The following PRNP variants were observed in gnomAD, a reference collection of about 807,000 sequenced individuals.
PRNP encodes the protein prion protein (Kanno blood group), also known as major prion protein.
PRNP carries 15 observed loss-of-function variants against 21.3 expected under a neutral mutation model. That is an observed-to-expected ratio of 0.71 (90% CI 0.47 to 1.09). The LOEUF is 1.09. PRNP is among the 50% of genes least tolerant of loss of function. PRNP has a pLI of 0.00. For synonymous variants in PRNP, 121 were observed against 123.1 expected, an observed-to-expected ratio of 0.98 and a Z score of 0.11; for missense variants, 285 against 340.9, an observed-to-expected ratio of 0.84 and a Z score of 1.29.
rs1226956371 is a variant in PRNP, at chr20:4,690,823, A to C, written c.-11+4311A>C. Among the ~76,000 whole-genome samples the C allele has an allele frequency of 2.6e-5, 4 of 152,338 alleles. No homozygotes were observed. In the East Asian group the frequency reaches 5.8e-4, roughly 22 times the overall value. On this transcript the variant is annotated intron_variant, in intron 1 of 1. Coordinates refer to ENST00000379440, the MANE Select transcript of PRNP (RefSeq NM_000311.5). The stretch of plus-strand genomic sequence containing the variant: ...TGGTACTGCAAGTCCTAGCCAGGAC[A>C]GTTAGACAAGAGAAAGAAATAAAAA...
In PRNP at chr20:4,699,613, A is replaced by G. The variant is rs772735889; in HGVS notation, c.393A>G (p.Gly131=). 2.6e-5 allele frequency: 42 copies of G among 1,613,956 alleles called. No individual in the cohort carries two copies. Among genetic ancestry groups the G allele is most frequent in the Admixed American group, 2.5e-4 (15 of 60,000 alleles). Residue 131 remains glycine, a synonymous_variant, in exon 2 of 2, where the codon GGA becomes GGG. Coordinates refer to ENST00000379440, the MANE Select transcript of PRNP (RefSeq NM_000311.5). This position sits in a 1 kb window ranked among gnomAD's most constrained non-coding sequence, Gnocchi z 5.8. ...VVGGLGGYML[G]SAMSRPIIHF... ...GGGGCCTTGGCGGCTACATGCTGGG[A>G]AGTGCCATGAGCAGGCCCATCATAC...
Position 4,686,949 on chromosome 20 carries a change from G to A in PRNP, c.-11+437G>A, listed in dbSNP as rs1196532730. On this transcript the variant is annotated intron_variant, in intron 1 of 1. Transcript: ENST00000379440. The surrounding 1 kb of genome is among the most constrained non-coding windows in gnomAD (Gnocchi z 6.7). ...GGGAGGGGCGCCTGGGGGCCGCGGG[G>A]CTCGCGCTCCCCGCCCGTTGGCCGC... Among the ~76,000 whole-genome samples, 1 of 151,662 alleles carries A rather than the reference G, an allele frequency of 6.6e-6. No individual in the cohort carries two copies. The highest frequency in any genetic ancestry group is 2.4e-5 in the African/African-American group (1 of 41,358).
intron 1 of PRNP, among the ~76,000 whole-genome samples, chr20:4,696,886 GTTC>G (rs1192946920): frequency 6.6e-6 from 1 of 152,090 alleles, no homozygotes; most frequent in African/African-American, 2.4e-5. Flanking sequence ...TCTGTGCCTG[GTTC>G]TTCTCCTCTG....
chr20:4,690,744 C>T (rs1466630850), intron 1 of PRNP, among the ~76,000 whole-genome samples: 2 of 152,168 alleles, frequency 1.3e-5, no homozygotes, highest in African/African-American at 4.8e-5. Flanking sequence ...ATCTTTTCCT[C>T]TAAGATCTGA....
In PRNP at chr20:4,700,297, T is replaced by C; in HGVS notation, c.*315T>C. On this transcript the variant is annotated 3_prime_UTR_variant, in exon 2 of 2. Coordinates refer to ENST00000379440, the MANE Select transcript of PRNP (RefSeq NM_000311.5). The surrounding 1 kb of genome is among the most constrained non-coding windows in gnomAD (Gnocchi z 4.1). ...TGCAACAGGTTGAGGCTAAAACAAA[T>C]CTCAGAACAGTCTGAAATACCTTTG... 1 of 645,264 alleles carries C rather than the reference T, an allele frequency of 1.5e-6. No individual in the cohort carries two copies. Among genetic ancestry groups the C allele is most frequent in the African/African-American group, 1.8e-5 (1 of 54,798 alleles). The allele number at this position is 645,264 out of a possible 1,614,324, so 40.0% of individuals were successfully genotyped here.
At chr20:4,696,675 T>G (rs980199021) in intron 1 of PRNP, among the ~76,000 whole-genome samples, 2 of 152,192 alleles carry the variant, frequency 1.3e-5, no homozygotes, top group Non-Finnish European at 2.9e-5. Context: ...TATTTCTGAG[T>G]GTATTCTTAG....
chr20:4,699,952 C>G lies in PRNP; in HGVS notation c.732C>G (p.Ile244Met), dbSNP rs764251824. ...LFSSPPVILL[I>M]SFLIFLIVG ...CCTCTCCACCTGTGATCCTCCTGATCTCTTTCCTCATCTTCCTGATAGTGG... is the reference window on the plus strand; with the variant it reads ...CCTCTCCACCTGTGATCCTCCTGATGTCTTTCCTCATCTTCCTGATAGTGG... The change falls in exon 2 of 2, where the codon ATC becomes ATG. Residue 244 changes from isoleucine (I) to methionine (M), a missense_variant. Transcript: ENST00000379440. This position sits in a 1 kb window ranked among gnomAD's most constrained non-coding sequence, Gnocchi z 5.8. The G allele has an allele frequency of 6.2e-7, 1 of 1,613,390 alleles. No homozygotes were observed. Among genetic ancestry groups the G allele is most frequent in the South Asian group, 1.1e-5 (1 of 90,884 alleles).
chr20:4,700,935 T>C lies in PRNP; in HGVS notation c.*953T>C, dbSNP rs552891646. On this transcript the variant is annotated 3_prime_UTR_variant, in exon 2 of 2. Coordinates refer to ENST00000379440, the MANE Select transcript of PRNP (RefSeq NM_000311.5). This position sits in a 1 kb window ranked among gnomAD's most constrained non-coding sequence, Gnocchi z 4.1. Reference sequence around the variant, plus strand: ...AGCACCATCATCATAGAGGATGATGTAATTAAAAAATGGTCAGTGTGCAAA... The same window carrying C: ...AGCACCATCATCATAGAGGATGATGCAATTAAAAAATGGTCAGTGTGCAAA... 3.0e-5 allele frequency: 5 copies of C among 167,028 alleles called. No homozygotes were observed. In the East Asian group the frequency reaches 9.6e-4, roughly 32 times the overall value. 10.3% of individuals were successfully genotyped at this position (167,028 alleles called of 1,614,324 possible).
chr20:4,692,526 A>G (rs1921898137), intron 1 of PRNP, among the ~76,000 whole-genome samples: 3 of 152,088 alleles, frequency 2.0e-5, no homozygotes, highest in African/African-American at 7.3e-5. Context: ...TCTTAAAATT[A>G]TGATATCTTG....
rs776029219 is a variant in PRNP at position 4,699,483 on chromosome 20, G to C, written c.263G>C (p.Gly88Ala). 1.9e-6 allele frequency: 3 copies of C among 1,609,928 alleles called. No individual in the cohort carries two copies. The Admixed American group carries it at 5.0e-5, about 27-fold the overall frequency. ...GGGWGQPHGG[G>A]WGQGGGTHSQ... ...GGCTGGGGACAGCCTCATGGTGGTG[G>C]CTGGGGTCAAGGAGGTGGCACCCAC... is the stretch of plus-strand genomic sequence containing the variant. Residue 88 changes from glycine to alanine, a missense_variant, in exon 2 of 2, where the codon GGC becomes GCC. Gly to Ala is a moderately conservative substitution (Grantham distance 60, BLOSUM62 0). Coordinates refer to ENST00000379440, the MANE Select transcript of PRNP (RefSeq NM_000311.5). The surrounding 1 kb of genome is among the most constrained non-coding windows in gnomAD (Gnocchi z 5.8).
rs1922215327 is a variant in PRNP, at chr20:4,697,043, C to G, written c.-10-2168C>G. On this transcript the variant is annotated intron_variant, in intron 1 of 1. Transcript: ENST00000379440. The surrounding 1 kb of genome is among the most constrained non-coding windows in gnomAD (Gnocchi z 4.6). ...CAGTCTCCTCTTCCTCCCATCTTAC[C>G]CATTTCAGGTAATATCTCCAGCCAG... Among the ~76,000 whole-genome samples the G allele has an allele frequency of 6.6e-6, 1 of 152,214 alleles. No individual in the cohort carries two copies. The highest frequency in any genetic ancestry group is 1.5e-5 in the Non-Finnish European group (1 of 68,052).
rs939443330 is a variant in PRNP, at chr20:4,700,502, C to G, written c.*520C>G. On this transcript the variant is annotated 3_prime_UTR_variant, in exon 2 of 2. Transcript: ENST00000379440. This position sits in a 1 kb window ranked among gnomAD's most constrained non-coding sequence, Gnocchi z 4.1. ...AAAAAAATCCTAGAGATTCTTAGCT[C>G]TTGGGATGCAGGCTCAGCCCGCTGG... The G allele has an allele frequency of 1.9e-5, 6 of 317,578 alleles. No individual in the cohort carries two copies. Among genetic ancestry groups the G allele is most frequent in the African/African-American group, 1.3e-4 (6 of 45,592 alleles). 19.7% of individuals were successfully genotyped at this position (317,578 alleles called of 1,614,324 possible).
chr20:4,695,590 A>G (rs778665082), intron 1 of PRNP, among the ~76,000 whole-genome samples: 16 of 152,164 alleles, frequency 1.1e-4, no homozygotes, highest in Non-Finnish European at 2.2e-4. Flanking sequence ...TGTCTTTGTA[A>G]TAGGATGATT....
At chr20:4,688,269 T>G (rs539710041) in intron 1 of PRNP, among the ~76,000 whole-genome samples, 6 of 152,314 alleles carry the variant, frequency 3.9e-5, no homozygotes, top group African/African-American at 1.4e-4. Flanking sequence ...AACTTGGCAT[T>G]TTCAAGTGTC....
chr20:4,696,396 G>A (rs1922170231), intron 1 of PRNP, among the ~76,000 whole-genome samples: 1 of 152,082 alleles, frequency 6.6e-6, no homozygotes, highest in Non-Finnish European at 1.5e-5. Flanking sequence ...TTGTTACTTT[G>A]AATATCTGTA....
Position 4,699,886 on chromosome 20 carries a change from T to G in PRNP, c.666T>G (p.Ser222=). 1 of 1,613,874 alleles carries G rather than the reference T, an allele frequency of 6.2e-7. No homozygotes were observed. The highest frequency in any genetic ancestry group is 1.7e-5 in the Admixed American group (1 of 59,986). ...QMCITQYERE[S]QAYYQRGSSM... ...GTATCACCCAGTACGAGAGGGAATC[T>G]CAGGCCTATTACCAGAGAGGATCGA... Residue 222 remains serine (S), a synonymous_variant, in exon 2 of 2, where the codon TCT becomes TCG. Coordinates refer to ENST00000379440, the MANE Select transcript of PRNP (RefSeq NM_000311.5). This position sits in a 1 kb window ranked among gnomAD's most constrained non-coding sequence, Gnocchi z 5.8.
At chr20:4,694,082 AG>A (rs68192885) in intron 1 of PRNP, among the ~76,000 whole-genome samples, 44,942 of 149,036 alleles carry the variant, frequency 0.3, 7,083 homozygotes, top group African/African-American at 0.4. Flanking sequence ...CCCTGTCTCA[AG>A]AAAAAAAAAA....
rs896143850 is a variant in PRNP at position 4,686,880 on chromosome 20, G to A, written c.-11+368G>A. The A allele has an allele frequency of 4.6e-5, 7 of 151,620 alleles. No individual in the cohort carries two copies. Among genetic ancestry groups the A allele is most frequent in the African/African-American group, 1.7e-4 (7 of 41,448 alleles). 9.4% of individuals were successfully genotyped at this position (151,620 alleles called of 1,614,324 possible). A position where few individuals can be genotyped will look rare whatever the true frequency, so the allele number is the denominator to read the frequency against. On this transcript the variant is annotated intron_variant, in intron 1 of 1. Transcript: ENST00000379440. The surrounding 1 kb of genome is among the most constrained non-coding windows in gnomAD (Gnocchi z 6.7). ...CAGCGGGCGATCGCTGGCGCCCAGG[G>A]AACTCCGGGAGGGCCGCCAGCGGGC...
chr20:4,700,042 T>C lies in PRNP; in HGVS notation c.*60T>C. On this transcript the variant is annotated 3_prime_UTR_variant, in exon 2 of 2. Coordinates refer to ENST00000379440, the MANE Select transcript of PRNP (RefSeq NM_000311.5). This position sits in a 1 kb window ranked among gnomAD's most constrained non-coding sequence, Gnocchi z 4.1. ...TTTTTCCAGCTTGAGGGAGGCGGTA[T>C]CCACCTGCAGCCCTTTTAGTGGTGG... 2 of 1,554,952 alleles carry C rather than the reference T, an allele frequency of 1.3e-6. No individual in the cohort carries two copies.
Sources: allele counts gnomAD v4.1 joint callset (sites outside exome capture counted in the v4.1 genomes callset), GRCh38; gene constraint gnomAD v4.1.1; non-coding constraint Gnocchi (gnomAD v3.1); transcripts MANE v1.5; gene names NCBI Gene and HGNC (gene_info 2026-07-23, HGNC 2026-07-21).